Variants in CACNA2D1 observed in about 807,000 individuals in gnomAD.
CACNA2D1 encodes voltage-dependent calcium channel subunit alpha-2/delta-1.
Under a neutral mutation model 171.5 loss-of-function variants are expected in CACNA2D1, and 53 were observed. That is an observed-to-expected ratio of 0.31 (90% CI 0.25 to 0.39). The LOEUF (loss-of-function observed/expected upper bound fraction) is 0.39, where lower values mean the gene tolerates loss of function less well. CACNA2D1 is among the 10% of genes least tolerant of loss of function. The probability of loss-of-function intolerance (pLI) is 1.00; values close to 1 mark genes in which losing one functional copy is unlikely to be tolerated. For missense variants in CACNA2D1, 903 were observed against 1,299.8 expected, an observed-to-expected ratio of 0.69 and a Z score of 4.69; for synonymous variants, 442 against 443.1, an observed-to-expected ratio of 1.00 and a Z score of 0.03.
At chr7:82,278,539 C>G (rs1416440970) in intron 3 of CACNA2D1, among the ~76,000 whole-genome samples, 2 of 122,400 alleles carry the variant, frequency 1.6e-5, no homozygotes, top group African/African-American at 6.3e-5. Context: ...GCCTGAGAGA[C>G]AGAGTGAGAC....
chr7:81,967,221 A>G lies in CACNA2D1; in HGVS notation c.2464-14T>C, dbSNP rs952283711. 6 of 1,603,040 alleles carry G rather than the reference A, an allele frequency of 3.7e-6. No individual in the cohort carries two copies. In the South Asian group the frequency reaches 6.6e-5, roughly 18 times the overall value. ...TGGACCAGCACACTGAAAGACAAAAATGCGATTATCACCTCACTTTTAAAA... is the reference window on the plus strand; with the variant it reads ...TGGACCAGCACACTGAAAGACAAAAGTGCGATTATCACCTCACTTTTAAAA... On this transcript the variant is annotated splice_polypyrimidine_tract_variant and intron_variant, in intron 30 of 38. Coordinates refer to ENST00000356860, the MANE Select transcript of CACNA2D1 (RefSeq NM_000722.4).
At chr7:82,420,992 G>A (rs1163858125) in intron 1 of CACNA2D1, among the ~76,000 whole-genome samples, 1 of 151,958 alleles carries the variant, frequency 6.6e-6, no homozygotes, top group Admixed American at 6.6e-5. Flanking sequence ...TCTAACACAC[G>A]GGTATTCAGG....
intron 11 of CACNA2D1, among the ~76,000 whole-genome samples, chr7:82,035,632 C>T (rs1168227579): frequency 2.0e-5 from 3 of 152,008 alleles, no homozygotes; most frequent in African/African-American, 7.2e-5. Context: ...TCTAGTGAGG[C>T]TACCTCTGAA....
chr7:82,033,830 C>G (rs538498237), intron 11 of CACNA2D1, among the ~76,000 whole-genome samples: 4 of 152,170 alleles, frequency 2.6e-5, no homozygotes, highest in Admixed American at 6.6e-5. Flanking sequence ...CTTAACTTTT[C>G]TACTGTTGTG....
chr7:82,268,158 T>A (rs1226318040), intron 3 of CACNA2D1, among the ~76,000 whole-genome samples: 1 of 152,222 alleles, frequency 6.6e-6, no homozygotes, highest in Non-Finnish European at 1.5e-5. Flanking sequence ...CATAAAGTTG[T>A]TTTTATCCTT....
intron 1 of CACNA2D1, among the ~76,000 whole-genome samples, chr7:82,426,317 A>G (rs2129458156): frequency 6.6e-6 from 1 of 151,812 alleles, no homozygotes; most frequent in Non-Finnish European, 1.5e-5. Flanking sequence ...AACTCTTCTC[A>G]TTTATTCATG....
chr7:82,106,410 T>C (rs1245631172), intron 6 of CACNA2D1, among the ~76,000 whole-genome samples: 1 of 152,158 alleles, frequency 6.6e-6, no homozygotes, highest in East Asian at 1.9e-4. Flanking sequence ...TGTCATTTGT[T>C]ATACGCATCA....
intron 3 of CACNA2D1, among the ~76,000 whole-genome samples, chr7:82,199,204 A>G (rs1419758689): frequency 6.6e-6 from 1 of 152,082 alleles, no homozygotes; most frequent in South Asian, 2.1e-4. Context: ...TATTTGCATT[A>G]CTGAGTTAAT....
At chr7:81,959,496 T>C (rs1442921811) in intron 37 of CACNA2D1, 139 bp from the exon 38 acceptor site, 6 of 781,988 alleles carry the variant, frequency 7.7e-6, no homozygotes, top group East Asian at 2.7e-5. Flanking sequence ...TTCAAGTACA[T>C]AGGGATTTAA....
intron 3 of CACNA2D1, among the ~76,000 whole-genome samples, chr7:82,199,053 T>C (rs1056639651): frequency 6.6e-6 from 1 of 152,122 alleles, no homozygotes; most frequent in African/African-American, 2.4e-5. Context: ...CAGACACTTA[T>C]GATTCTAGTT....
At chr7:82,194,603 C>T (rs367888347) in intron 3 of CACNA2D1, among the ~76,000 whole-genome samples, 1 of 151,632 alleles carries the variant, frequency 6.6e-6, no homozygotes, top group Non-Finnish European at 1.5e-5. Flanking sequence ...AGAGGGCAAA[C>T]AATACTCTAT....
intron 2 of CACNA2D1, among the ~76,000 whole-genome samples, chr7:82,345,638 T>C (rs77129835): frequency 0.038 from 5,761 of 151,958 alleles, 159 homozygotes; most frequent in Middle Eastern, 0.082. Flanking sequence ...TTCATAAATA[T>C]GTGATGATCA....
At chr7:82,026,047 GTT>G (rs1224426188) in intron 12 of CACNA2D1, among the ~76,000 whole-genome samples, 14 of 132,692 alleles carry the variant, frequency 1.1e-4, no homozygotes, top group Admixed American at 1.5e-4. Flanking sequence ...TCTCGTGTCA[GTT>G]TTTTTTTTTT....
intron 3 of CACNA2D1, among the ~76,000 whole-genome samples, chr7:82,262,523 T>TA (rs1297238470): frequency 4.0e-5 from 6 of 151,424 alleles, no homozygotes; most frequent in South Asian, 2.1e-4. Context: ...TGCCGCCAAC[T>TA]AAAAAAAAAT....
At chr7:82,399,895 G>C (rs1054317249) in intron 1 of CACNA2D1, among the ~76,000 whole-genome samples, 10 of 152,024 alleles carry the variant, frequency 6.6e-5, no homozygotes, top group African/African-American at 2.4e-4. Flanking sequence ...AATTCTTCCA[G>C]ATTTCCAGGT....
chr7:82,134,758 C>T (rs1563097582), intron 5 of CACNA2D1, among the ~76,000 whole-genome samples: 1 of 152,038 alleles, frequency 6.6e-6, no homozygotes, highest in East Asian at 1.9e-4. Flanking sequence ...TTTTCTCTCT[C>T]AAGAGACTTT....
intron 5 of CACNA2D1, 136 bp downstream of exon 5, chr7:82,136,499 G>GT: frequency 6.6e-6 from 4 of 608,986 alleles, no homozygotes; most frequent in Non-Finnish European, 1.2e-5. Flanking sequence ...TCATTATCTC[G>GT]TATCTAACTA....
intron 7 of CACNA2D1, among the ~76,000 whole-genome samples, chr7:82,070,404 TTAGTA>T (rs1262223244): frequency 6.6e-6 from 1 of 152,224 alleles, no homozygotes; most frequent in Admixed American, 6.5e-5. Context: ...CTTTTGTATC[TTAGTA>T]TAGTAAAGTA....
intron 38 of CACNA2D1, among the ~76,000 whole-genome samples, chr7:81,951,976 T>TTTTTTTTTTTGTTTTTTG (rs1792620650): frequency 6.8e-6 from 1 of 148,004 alleles, no homozygotes; most frequent in African/African-American, 2.5e-5. Flanking sequence ...AGTGTTTTTT[T>TTTTTTTTTTTGTTTTTTG]TTTTTTTTTT....
Sources: allele counts gnomAD v4.1 joint callset (sites outside exome capture counted in the v4.1 genomes callset), GRCh38; gene constraint gnomAD v4.1.1; transcripts MANE v1.5; gene names NCBI Gene and HGNC (gene_info 2026-07-23, HGNC 2026-07-21).